Variants in EXOC6B observed in about 807,000 individuals in gnomAD.
The protein encoded by EXOC6B is SEC15 homolog B.
Under a neutral mutation model 113.5 loss-of-function variants are expected in EXOC6B, and 54 were observed. The ratio of observed to expected loss-of-function variants is 0.48; its 90% CI spans 0.38 to 0.60. EXOC6B has a LOEUF of 0.60. Among genes scored for constraint, EXOC6B ranks in the 20% least tolerant of loss-of-function variants. The pLI is 0.00. For synonymous variants in EXOC6B, 357 were observed against 339.0 expected (o/e 1.05, Z -0.58); for missense variants, 797 against 977.5 (o/e 0.82, Z 2.46).
At chr2:72,636,133 G>A (rs1426859609) in intron 6 of EXOC6B, among the ~76,000 whole-genome samples, 1 of 152,066 alleles carries the variant, frequency 6.6e-6, no homozygotes, top group East Asian at 1.9e-4. Context: ...TGAGGCAGGA[G>A]GATGGCTTGA....
At chr2:72,218,594 T>A (rs1680677617) in intron 20 of EXOC6B, among the ~76,000 whole-genome samples, 1 of 152,198 alleles carries the variant, frequency 6.6e-6, no homozygotes, top group Admixed American at 6.5e-5. Flanking sequence ...CTTCTTTGCA[T>A]TTATCCCTCA....
intron 1 of EXOC6B, among the ~76,000 whole-genome samples, chr2:72,756,593 A>C (rs2104879337): frequency 1.3e-5 from 2 of 152,336 alleles, no homozygotes; most frequent in Middle Eastern, 6.8e-3. Flanking sequence ...AATTCAGCCC[A>C]AAATTATAAA....
chr2:72,741,159 A>G, intron 2 of EXOC6B, 145 bp downstream of exon 2: 3 of 774,358 alleles, frequency 3.9e-6, no homozygotes, highest in Non-Finnish European at 1.9e-6. Flanking sequence ...ACTCTCAAGA[A>G]TGTACGTTTC....
intron 8 of EXOC6B, among the ~76,000 whole-genome samples, chr2:72,534,590 A>T (rs145209257): frequency 9.9e-5 from 15 of 152,226 alleles, no homozygotes; most frequent in African/African-American, 3.4e-4. Context: ...CTTAAGAAGA[A>T]ATTCTTATTA....
intron 20 of EXOC6B, among the ~76,000 whole-genome samples, chr2:72,189,476 C>T (rs958601985): frequency 1.3e-5 from 2 of 152,174 alleles, no homozygotes; most frequent in Non-Finnish European, 2.9e-5. Context: ...CTGATTTCTT[C>T]CAACATCTGG....
intron 20 of EXOC6B, among the ~76,000 whole-genome samples, chr2:72,289,814 A>G (rs1390376478): frequency 6.6e-6 from 1 of 152,072 alleles, no homozygotes; most frequent in Non-Finnish European, 1.5e-5. Flanking sequence ...GAGGGCCCAG[A>G]AGATCGAGGC....
At chr2:72,449,585 T>C (rs1166547932) in intron 18 of EXOC6B, among the ~76,000 whole-genome samples, 2 of 151,656 alleles carry the variant, frequency 1.3e-5, no homozygotes, top group Admixed American at 1.3e-4. Context: ...AGGACCAATA[T>C]AAATATTTTC....
chr2:72,652,419 T>A (rs1674245127), intron 6 of EXOC6B, among the ~76,000 whole-genome samples: 2 of 152,114 alleles, frequency 1.3e-5, no homozygotes, highest in African/African-American at 2.4e-5. Context: ...AAGCTAAACC[T>A]TACATTCTGC....
chr2:72,722,945 A>C (rs192798268), intron 5 of EXOC6B, among the ~76,000 whole-genome samples: 14 of 152,250 alleles, frequency 9.2e-5, no homozygotes, highest in African/African-American at 3.4e-4. Context: ...TTAGTACAAA[A>C]CCCAGTGATT....
chr2:72,430,652 A>G (rs1428797430), intron 18 of EXOC6B, among the ~76,000 whole-genome samples: 2 of 152,220 alleles, frequency 1.3e-5, no homozygotes, highest in Admixed American at 6.5e-5. Context: ...ATCTCAAAAA[A>G]GAAAAAACAA....
intron 5 of EXOC6B, among the ~76,000 whole-genome samples, chr2:72,720,245 G>T (rs1378419740): frequency 6.6e-6 from 1 of 151,786 alleles, no homozygotes; most frequent in Non-Finnish European, 1.5e-5. Context: ...AACAAAAAAA[G>T]ACATGAAAAA....
At chr2:72,377,766 G>C (rs1200123234) in intron 19 of EXOC6B, among the ~76,000 whole-genome samples, 2 of 152,080 alleles carry the variant, frequency 1.3e-5, no homozygotes, top group Non-Finnish European at 2.9e-5. Flanking sequence ...ACGTGCAAGA[G>C]ATCTATTATA....
intron 16 of EXOC6B, among the ~76,000 whole-genome samples, chr2:72,487,415 C>T (rs1179087464): frequency 6.6e-6 from 1 of 152,156 alleles, no homozygotes; most frequent in African/African-American, 2.4e-5. Flanking sequence ...GGCTGCAGTG[C>T]AGTGGCACAA....
At chr2:72,597,496 C>A (rs1670145112) in intron 6 of EXOC6B, among the ~76,000 whole-genome samples, 1 of 151,386 alleles carries the variant, frequency 6.6e-6, no homozygotes. Flanking sequence ...AATTAAAAAC[C>A]ATAAAAGGCA....
intron 20 of EXOC6B, chr2:72,288,917 T>C (rs1253137780): frequency 1.8e-5 from 4 of 223,304 alleles, no homozygotes; most frequent in Non-Finnish European, 2.7e-5. Context: ...AAAATTATTG[T>C]GAACCTCACA....
intron 1 of EXOC6B, among the ~76,000 whole-genome samples, chr2:72,801,798 C>T (rs1685289844): frequency 6.6e-6 from 1 of 152,126 alleles, no homozygotes; most frequent in African/African-American, 2.4e-5. Context: ...TAAAGAAAAC[C>T]TTTCTACCAT....
chr2:72,666,284 G>A (rs1675382535), intron 6 of EXOC6B, among the ~76,000 whole-genome samples: 1 of 152,162 alleles, frequency 6.6e-6, no homozygotes, highest in African/African-American at 2.4e-5. Flanking sequence ...TAAACTTGAT[G>A]CTCAAACCAC....
At chr2:72,237,610 CAG>C (rs1299640548) in intron 20 of EXOC6B, among the ~76,000 whole-genome samples, 6 of 152,192 alleles carry the variant, frequency 3.9e-5, no homozygotes, top group Admixed American at 6.5e-5. Flanking sequence ...AAATGTGTTA[CAG>C]AGTCAACCCT....
chr2:72,375,653 G>C (rs1031555045), intron 19 of EXOC6B, among the ~76,000 whole-genome samples: 1 of 152,124 alleles, frequency 6.6e-6, no homozygotes, highest in Non-Finnish European at 1.5e-5. Flanking sequence ...GTATACTGTG[G>C]CTGGAGTAGT....
Sources: allele counts gnomAD v4.1 joint callset (sites outside exome capture counted in the v4.1 genomes callset), GRCh38; gene constraint gnomAD v4.1.1; transcripts MANE v1.5; gene names NCBI Gene and HGNC (gene_info 2026-07-23, HGNC 2026-07-21).